ITGA4: variants seen among roughly 807,000 people sequenced by gnomAD.
The protein encoded by ITGA4 is integrin alpha-4.
A neutral mutation model predicts 133.6 loss-of-function variants in ITGA4; 63 were observed. That is an observed-to-expected ratio of 0.47 (90% confidence interval 0.38 to 0.58). The LOEUF is 0.58. ITGA4 is among the 20% of genes least tolerant of loss of function. The pLI, the probability that ITGA4 is intolerant of heterozygous loss-of-function variation, is 0.00. For missense variants in ITGA4, 1,076 were observed against 1,252.7 expected (o/e 0.86, Z 2.13); for synonymous variants, 483 against 438.0 (o/e 1.10, Z -1.28).
intron 10 of ITGA4, among the ~76,000 whole-genome samples, chr2:181,489,954 G>A (rs1305501442): frequency 3.9e-5 from 6 of 152,186 alleles, no homozygotes; most frequent in Non-Finnish European, 8.8e-5. Flanking sequence ...AGCTCCCCAA[G>A]TGAGCAATTC....
At chr2:181,534,767 C>G in intron 26 of ITGA4, 49 bp from the exon 27 acceptor site, 1 of 1,204,080 alleles carries the variant, frequency 8.3e-7, no homozygotes, top group East Asian at 2.8e-5. Flanking sequence ...ACGTTTTAAA[C>G]TGATTTTTTT....
Position 181,536,797 on chromosome 2 carries a change from TATG to T in ITGA4, c.*1273_*1275del. The T allele has an allele frequency of 3.7e-6, 1 of 271,136 alleles. No homozygotes were observed. Among genetic ancestry groups the T allele is most frequent in the East Asian group, 9.4e-5 (1 of 10,600 alleles). The allele number at this position is 271,136 out of a possible 1,614,324, so 16.8% of individuals were successfully genotyped here. ...ATTTTTGTAATATTTATTTTATGCT[TATG>T]ATCTAGATAATTGCAGAATATCATT... is the stretch of plus-strand genomic sequence containing the variant. On this transcript the variant is annotated 3_prime_UTR_variant, in exon 28 of 28. Coordinates refer to ENST00000397033, the MANE Select transcript of ITGA4 (RefSeq NM_000885.6).
Position 181,523,047 on chromosome 2 carries a change from T to G in ITGA4, c.2074-390T>G, listed in dbSNP as rs1259409634. 6.6e-6 allele frequency among the ~76,000 whole-genome samples: 1 copy of G among 152,154 alleles called. No individual in the cohort carries two copies. The highest frequency in any genetic ancestry group is 1.5e-5 in the Non-Finnish European group (1 of 68,030). On this transcript the variant is annotated intron_variant, in intron 18 of 27. Transcript: ENST00000397033. This position sits in a 1 kb window ranked among gnomAD's most constrained non-coding sequence, Gnocchi z 4.2. ...TTATGGATTCCTTGCCTCATGATTT[T>G]TCAAGGAATTCAGACCCTGGATTAA...
At chr2:181,490,969 A>G (rs1305213662) in intron 10 of ITGA4, among the ~76,000 whole-genome samples, 1 of 152,244 alleles carries the variant, frequency 6.6e-6, no homozygotes, top group Non-Finnish European at 1.5e-5. Flanking sequence ...ATTAAGTTGC[A>G]TAGGCTTGGA....
chr2:181,523,520 T>A lies in ITGA4; in HGVS notation c.2157T>A (p.Asp719Glu), dbSNP rs1370368616. ...GCAGTATTGGCTATATATATGTAGA[T>A]CATCTCTCAAGGGTAAGTGTTTCAT... ...LDCSIGYIYV[D>E]HLSRIDISFL... The change falls in exon 19 of 28, where the codon GAT becomes GAA. Residue 719 changes from aspartate (D) to glutamate (E), a missense_variant. Physicochemically the swap from Asp to Glu is conservative, Grantham distance 45. This residue lies in a region of ITGA4 where 365 missense variants were observed against 421.4 expected (regional missense o/e 0.87). Transcript: ENST00000397033. This position sits in a 1 kb window ranked among gnomAD's most constrained non-coding sequence, Gnocchi z 4.2. 1 of 1,573,842 alleles carries A rather than the reference T, an allele frequency of 6.4e-7. No individual in the cohort carries two copies. Among genetic ancestry groups the A allele is most frequent in the Admixed American group, 1.7e-5 (1 of 59,914 alleles).
intron 14 of ITGA4, 74 bp downstream of exon 14, chr2:181,496,011 C>T: frequency 6.8e-7 from 1 of 1,472,354 alleles, no homozygotes; most frequent in Non-Finnish European, 9.3e-7. Context: ...TGCTTGGAGC[C>T]CTCACCGGTT....
In ITGA4 at chr2:181,536,223, T is replaced by A. The variant is rs1298607539; in HGVS notation, c.*696T>A. On this transcript the variant is annotated 3_prime_UTR_variant, in exon 28 of 28. Coordinates refer to ENST00000397033, the MANE Select transcript of ITGA4 (RefSeq NM_000885.6). ...TTTATAATTATGGATTTCACCATCTTTCTTTCTGTATATATACATGTGTTT... is the reference window on the plus strand; with the variant it reads ...TTTATAATTATGGATTTCACCATCTATCTTTCTGTATATATACATGTGTTT... The A allele has an allele frequency of 6.6e-6, 1 of 151,878 alleles. No individual in the cohort carries two copies. Among genetic ancestry groups the A allele is most frequent in the African/African-American group, 2.4e-5 (1 of 41,426 alleles). 9.4% of individuals were successfully genotyped at this position (151,878 alleles called of 1,614,324 possible). A position where few individuals can be genotyped will look rare whatever the true frequency, so the allele number is the denominator to read the frequency against.
chr2:181,528,510 T>A (rs1432440740), intron 22 of ITGA4, among the ~76,000 whole-genome samples: 1 of 152,248 alleles, frequency 6.6e-6, no homozygotes, highest in Admixed American at 6.5e-5. Flanking sequence ...TAGTCAACTA[T>A]GTAGATATTC....
At chr2:181,535,410 G>T (rs761193617) in intron 27 of ITGA4, 22 bp from the exon 28 acceptor site, 36 of 1,563,080 alleles carry the variant, frequency 2.3e-5, no homozygotes, top group Non-Finnish European at 2.6e-5. Flanking sequence ...ATACACTAGT[G>T]ATTATGTTAT....
Position 181,475,308 on chromosome 2 carries a change from C to G in ITGA4, c.556+20C>G, listed in dbSNP as rs200651237. 2.5e-6 allele frequency: 4 copies of G among 1,585,860 alleles called. No individual in the cohort carries two copies. The African/African-American group carries it at 5.4e-5, about 21-fold the overall frequency. On this transcript the variant is annotated intron_variant, in intron 4 of 27. Transcript: ENST00000397033. ...ATCAAGGTAAGGCATGATTTTGATA[C>G]GAATTAGATAAAGATAAGTAAGTGA...
Position 181,458,647 on chromosome 2 carries a change from T to G in ITGA4, c.319+330T>G, listed in dbSNP as rs990906801. ...CTCTCTCAGCGTATTAAGGACAGGA[T>G]CCAGCTAAGCCAAGACTTGAGAATT... On this transcript the variant is annotated intron_variant, in intron 2 of 27. Transcript: ENST00000397033. The G allele has an allele frequency of 6.0e-5, 17 of 282,382 alleles. 1 individual carries two copies. In the East Asian group the frequency reaches 1.2e-3, roughly 19 times the overall value. The allele number at this position is 282,382 out of a possible 1,614,324, so 17.5% of individuals were successfully genotyped here.
At chr2:181,476,820 A>G (rs1484228705) in intron 4 of ITGA4, among the ~76,000 whole-genome samples, 2 of 152,200 alleles carry the variant, frequency 1.3e-5, no homozygotes, top group African/African-American at 4.8e-5. Flanking sequence ...CTTTGCAGCA[A>G]CTTATATGGA....
chr2:181,531,723 A>G lies in ITGA4; in HGVS notation c.2731A>G (p.Lys911Glu), dbSNP rs1472909908. Residue 911 changes from lysine (K) to glutamate (E), a missense_variant, in exon 25 of 28, where the codon AAA becomes GAA. Physicochemically the swap from Lys to Glu is moderately conservative, Grantham distance 56. This residue lies in a region of ITGA4 where 193 missense variants were observed against 172.3 expected (regional missense o/e 1.12). Coordinates refer to ENST00000397033, the MANE Select transcript of ITGA4 (RefSeq NM_000885.6). ...TAATTTTGGGAAAATGGAAAGTGGA[A>G]AAGAAGCCAGTGTTCATATCCAACT... is the stretch of plus-strand genomic sequence containing the variant. The part of the protein sequence containing the change: ...LCNFGKMESG[K>E]EASVHIQLEG... 6.2e-7 allele frequency: 1 copy of G among 1,609,004 alleles called. No homozygotes were observed. The highest frequency in any genetic ancestry group is 2.2e-5 in the East Asian group (1 of 44,592).
intron 15 of ITGA4, among the ~76,000 whole-genome samples, chr2:181,504,189 T>C (rs1686343281): frequency 6.6e-6 from 1 of 152,058 alleles, no homozygotes; most frequent in Admixed American, 6.6e-5. Flanking sequence ...CCCAGAGATA[T>C]TCTGAGAGCC....
chr2:181,512,336 T>C (rs1186531557), intron 17 of ITGA4, among the ~76,000 whole-genome samples: 1 of 151,968 alleles, frequency 6.6e-6, no homozygotes, highest in Non-Finnish European at 1.5e-5. Flanking sequence ...GATTGGGATA[T>C]AAATGGAGCA....
chr2:181,522,866 T>G (rs1209635104), intron 18 of ITGA4, among the ~76,000 whole-genome samples: 1 of 152,168 alleles, frequency 6.6e-6, no homozygotes, highest in East Asian at 1.9e-4. Flanking sequence ...AAAGTAACAG[T>G]GGAAACTCAG....
intron 17 of ITGA4, 66 bp downstream of exon 17, chr2:181,511,841 A>G: frequency 1.3e-6 from 1 of 762,640 alleles, no homozygotes; most frequent in South Asian, 1.6e-5. Context: ...GTGCATTTGC[A>G]TTCCCAAAAG....
chr2:181,466,564 T>C (rs1685422104), intron 2 of ITGA4, among the ~76,000 whole-genome samples: 1 of 152,130 alleles, frequency 6.6e-6, no homozygotes, highest in Non-Finnish European at 1.5e-5. Flanking sequence ...GTATCACCTC[T>C]AAAACCCAAG....
intron 17 of ITGA4, among the ~76,000 whole-genome samples, chr2:181,514,619 G>GT (rs75717442): frequency 0.24 from 36,105 of 151,964 alleles, 5,164 homozygotes; most frequent in Non-Finnish European, 0.32. Flanking sequence ...TTATCTTGGT[G>GT]TTTTTACCCT....
Sources: allele counts gnomAD v4.1 joint callset (sites outside exome capture counted in the v4.1 genomes callset), GRCh38; gene constraint gnomAD v4.1.1; regional missense constraint gnomAD v4.1.1; non-coding constraint Gnocchi (gnomAD v3.1); transcripts MANE v1.5; gene names NCBI Gene and HGNC (gene_info 2026-07-23, HGNC 2026-07-21).